Variants in ALOX5 observed in about 807,000 individuals in gnomAD.
ALOX5 encodes the protein arachidonate 5-lipoxygenase, also known as polyunsaturated fatty acid 5-lipoxygenase.
In ALOX5, 64 loss-of-function variants were observed where a neutral mutation model predicts 87.9. The ratio of observed to expected loss-of-function variants is 0.73; its 90% CI spans 0.60 to 0.90. The LOEUF (loss-of-function observed/expected upper bound fraction) is 0.90, where lower values mean the gene tolerates loss of function less well. Ranked by LOEUF, ALOX5 falls within the 40% of genes least tolerant of loss-of-function variation. The pLI is 0.00. For missense variants in ALOX5, 822 were observed against 907.5 expected (o/e 0.91, Z 1.21); for synonymous variants, 388 against 355.1 (o/e 1.09, Z -1.04).
intron 2 of ALOX5, among the ~76,000 whole-genome samples, chr10:45,389,458 C>G (rs61854065): frequency 0.083 from 12,690 of 152,088 alleles, 716 homozygotes; most frequent in Non-Finnish European, 0.12. Flanking sequence ...GTCAGGTTAC[C>G]CACAAAGGGA....
chr10:45,393,437 A>G (rs1179708613), intron 2 of ALOX5, among the ~76,000 whole-genome samples: 1 of 152,234 alleles, frequency 6.6e-6, no homozygotes, highest in African/African-American at 2.4e-5. Context: ...TAAATTAGGT[A>G]TTGATGGGAC....
chr10:45,429,366 G>A lies in ALOX5; in HGVS notation c.981+602G>A, dbSNP rs576977787. Reference sequence around the variant, plus strand: ...GTCCCTGGGAGTAGGGAGGAACTGCGCAGAGGACACCGTGGGAGACTGGCA... The same window carrying A: ...GTCCCTGGGAGTAGGGAGGAACTGCACAGAGGACACCGTGGGAGACTGGCA... On this transcript the variant is annotated intron_variant, in intron 7 of 13. Transcript: ENST00000374391. Among the ~76,000 whole-genome samples, 5 of 152,314 alleles carry A rather than the reference G, an allele frequency of 3.3e-5. No individual in the cohort carries two copies. In the South Asian group the frequency reaches 6.2e-4, roughly 19 times the overall value.
chr10:45,428,253 A>ATCTCGGTG, intron 6 of ALOX5: 1 of 236,160 alleles, frequency 4.2e-6, no homozygotes, highest in Non-Finnish European at 8.2e-6. Flanking sequence ...TTATGTGTAG[A>ATCTCGGTG]GTCCGGCAGC....
chr10:45,432,717 A>G (rs887498350), intron 7 of ALOX5, among the ~76,000 whole-genome samples: 3 of 152,254 alleles, frequency 2.0e-5, no homozygotes, highest in Non-Finnish European at 2.9e-5. Flanking sequence ...AAATGAAAAA[A>G]GTAAACGAAT....
At chr10:45,415,783 A>AT (rs1401159422) in intron 4 of ALOX5, among the ~76,000 whole-genome samples, 2 of 152,206 alleles carry the variant, frequency 1.3e-5, no homozygotes, top group Non-Finnish European at 2.9e-5. Context: ...TCAGTTATGT[A>AT]TTCCTCTTGC....
chr10:45,379,556 A>T (rs1839755690), intron 1 of ALOX5, among the ~76,000 whole-genome samples: 1 of 152,118 alleles, frequency 6.6e-6, no homozygotes, highest in African/African-American at 2.4e-5. Context: ...AGTTACTCGG[A>T]TTGGCACATG....
intron 2 of ALOX5, among the ~76,000 whole-genome samples, chr10:45,389,812 C>T (rs1028883510): frequency 6.6e-5 from 10 of 152,160 alleles, no homozygotes; most frequent in Non-Finnish European, 1.0e-4. Flanking sequence ...CATCTAACAT[C>T]GTAAAGACAA....
Position 45,429,377 on chromosome 10 carries a change from C to T in ALOX5, c.981+613C>T, listed in dbSNP as rs372722447. On this transcript the variant is annotated intron_variant, in intron 7 of 13. Coordinates refer to ENST00000374391, the MANE Select transcript of ALOX5 (RefSeq NM_000698.5). The stretch of plus-strand genomic sequence containing the variant: ...TAGGGAGGAACTGCGCAGAGGACAC[C>T]GTGGGAGACTGGCAGATGAGCATTC... Among the ~76,000 whole-genome samples the T allele has an allele frequency of 8.5e-5, 13 of 152,236 alleles. No homozygotes were observed. In the East Asian group the frequency reaches 2.5e-3, roughly 29 times the overall value.
In ALOX5 at chr10:45,445,571, C is replaced by A. The variant is rs34852267; in HGVS notation, c.1909C>A (p.Arg637=). 2.5e-6 allele frequency: 4 copies of A among 1,614,014 alleles called. No homozygotes were observed. ...GAAGCCTGTGAAGGAAGCCATGGCCCGATTCCGCAAGAACCTCGAGGCCAT... is the reference window on the plus strand; with the variant it reads ...GAAGCCTGTGAAGGAAGCCATGGCCAGATTCCGCAAGAACCTCGAGGCCAT... ...IEKPVKEAMA[R]FRKNLEAIVS... The change falls in exon 14 of 14, where the codon CGA becomes AGA. Residue 637 remains arginine, a synonymous_variant. Transcript: ENST00000374391.
intron 3 of ALOX5, among the ~76,000 whole-genome samples, chr10:45,397,593 C>G (rs1321955187): frequency 1.3e-5 from 2 of 151,942 alleles, no homozygotes; most frequent in African/African-American, 4.8e-5. Flanking sequence ...ATAACATGAT[C>G]TTATATATAG....
At chr10:45,399,436 T>G (rs1460091733) in intron 3 of ALOX5, among the ~76,000 whole-genome samples, 1 of 152,198 alleles carries the variant, frequency 6.6e-6, no homozygotes, top group East Asian at 1.9e-4. Context: ...AATGGATAAA[T>G]TTTACAGTAT....
intron 2 of ALOX5, among the ~76,000 whole-genome samples, chr10:45,387,919 G>A (rs1023984263): frequency 1.3e-5 from 2 of 152,220 alleles, no homozygotes; most frequent in Non-Finnish European, 2.9e-5. Flanking sequence ...CTGAGGCACT[G>A]GGTTCATCTC....
At chr10:45,433,223 A>G (rs983328271) in intron 7 of ALOX5, among the ~76,000 whole-genome samples, 42 of 152,220 alleles carry the variant, frequency 2.8e-4, no homozygotes, top group African/African-American at 1.0e-3. Flanking sequence ...TCACGGGATA[A>G]CTGGTGGGCC....
intron 5 of ALOX5, 30 bp downstream of exon 5, chr10:45,424,177 G>A: frequency 6.4e-7 from 1 of 1,556,634 alleles, no homozygotes; most frequent in Admixed American, 1.7e-5. Context: ...CCCAAGTGGT[G>A]CTGGGGACAG....
intron 7 of ALOX5, among the ~76,000 whole-genome samples, chr10:45,435,338 G>A (rs550140007): frequency 7.3e-5 from 11 of 151,648 alleles, no homozygotes; most frequent in African/African-American, 2.2e-4. Context: ...ATTGCATAAT[G>A]CTGGGGTTAG....
chr10:45,413,631 T>C (rs1428405064), intron 4 of ALOX5, among the ~76,000 whole-genome samples: 1 of 152,168 alleles, frequency 6.6e-6, no homozygotes, highest in Non-Finnish European at 1.5e-5. Flanking sequence ...GGTATTCAAT[T>C]AGGAAAAGAG....
chr10:45,429,934 C>T (rs1841855102), intron 7 of ALOX5, among the ~76,000 whole-genome samples: 1 of 152,160 alleles, frequency 6.6e-6, no homozygotes, highest in Non-Finnish European at 1.5e-5. Flanking sequence ...TGCCCACAGC[C>T]AGCCACAGAG....
rs963417793 is a variant in ALOX5 at position 45,395,948 on chromosome 10, C to G, written c.431+12C>G. ...CAAAAACAATATCGGTGAGTTATGA[C>G]ATCAGATCGAGTGGCCACGGGGCCA... On this transcript the variant is annotated intron_variant, in intron 3 of 13. Transcript: ENST00000374391. 5.6e-6 allele frequency: 9 copies of G among 1,613,546 alleles called. No individual in the cohort carries two copies. The highest frequency in any genetic ancestry group is 1.7e-5 in the Admixed American group (1 of 60,010).
intron 4 of ALOX5, among the ~76,000 whole-genome samples, chr10:45,420,394 T>G (rs1841459806): frequency 6.6e-6 from 1 of 152,238 alleles, no homozygotes; most frequent in African/African-American, 2.4e-5. Flanking sequence ...ATACAAAGCA[T>G]GAAGTCATGT....
Sources: allele counts gnomAD v4.1 joint callset (sites outside exome capture counted in the v4.1 genomes callset), GRCh38; gene constraint gnomAD v4.1.1; transcripts MANE v1.5; gene names NCBI Gene and HGNC (gene_info 2026-07-23, HGNC 2026-07-21).